NRG4: variants seen among roughly 807,000 people sequenced by gnomAD.
NRG4 encodes the protein neuregulin 4, also known as pro-neuregulin-4, membrane-bound isoform.
In NRG4, 10 loss-of-function variants were observed where a neutral mutation model predicts 15.0. The observed-to-expected ratio is 0.67, with a 90% CI of 0.41 to 1.13. NRG4 has a LOEUF of 1.13. Ranked by LOEUF, NRG4 falls within the 50% of genes most tolerant of loss-of-function variation. The pLI is 0.00. For missense variants in NRG4, 139 were observed against 140.2 expected (o/e 0.99, Z 0.04); for synonymous variants, 41 against 50.1 (o/e 0.82, Z 0.77).
intron 3 of NRG4, chr15:75,971,092 A>C (rs972784764): frequency 3.3e-6 from 1 of 298,950 alleles, no homozygotes; most frequent in Non-Finnish European, 6.6e-6. Context: ...GTCCAGTATA[A>C]TAAAACAGAT....
chr15:75,940,082 G>C (rs1354392670), downstream of NRG4: 3 of 148,402 alleles, frequency 2.0e-5, no homozygotes, highest in Non-Finnish European at 4.5e-5. Context: ...CAAATGATAT[G>C]ATCTTTAGAC....
At chr15:76,013,683 T>A (rs1360227741), upstream of NRG4, among the ~76,000 whole-genome samples, 1 of 152,244 alleles carries the variant, frequency 6.6e-6, no homozygotes, top group African/African-American at 2.4e-5. Flanking sequence ...CATCCTTTCT[T>A]ATGGCTGCAT....
At chr15:76,010,091 G>A (rs2034754267) in intron 2 of NRG4, among the ~76,000 whole-genome samples, 1 of 150,178 alleles carries the variant, frequency 6.7e-6, no homozygotes, top group African/African-American at 2.5e-5. Flanking sequence ...CTTCCTTCTA[G>A]CCTCACCCCC....
At chr15:75,961,212 T>G (rs921445179) in intron 4 of NRG4, among the ~76,000 whole-genome samples, 2 of 152,144 alleles carry the variant, frequency 1.3e-5, no homozygotes, top group Non-Finnish European at 2.9e-5. Flanking sequence ...TTACAAAATT[T>G]CAAAAACAAT....
intron 3 of NRG4, among the ~76,000 whole-genome samples, chr15:76,007,424 G>T (rs891340506): frequency 6.7e-6 from 1 of 148,728 alleles, no homozygotes; most frequent in African/African-American, 2.5e-5. Flanking sequence ...ATTATTAAAC[G>T]CACTTTTTTT....
chr15:75,970,982 G>C (rs1192149328), intron 3 of NRG4, among the ~76,000 whole-genome samples: 1 of 152,194 alleles, frequency 6.6e-6, no homozygotes, highest in Non-Finnish European at 1.5e-5. Flanking sequence ...GCACCTTTCT[G>C]GGTTATCTGA....
intron 3 of NRG4, among the ~76,000 whole-genome samples, chr15:75,974,968 T>C (rs2141839775): frequency 6.6e-6 from 1 of 152,316 alleles, no homozygotes; most frequent in Middle Eastern, 3.4e-3. Context: ...TCTCCCACTA[T>C]TATTGTGTGG....
Position 75,941,352 on chromosome 15 carries a change from T to TGTA in NRG4, c.*2283_*2285dup, listed in dbSNP as rs1297494873. 1 of 152,202 alleles carries TGTA rather than the reference T, an allele frequency of 6.6e-6. No individual in the cohort carries two copies. Among genetic ancestry groups the TGTA allele is most frequent in the Non-Finnish European group, 1.5e-5 (1 of 68,000 alleles). 9.4% of individuals were successfully genotyped at this position (152,202 alleles called of 1,614,324 possible). A position where few individuals can be genotyped will look rare whatever the true frequency, so the allele number is the denominator to read the frequency against. Reference sequence around the variant, plus strand: ...TGGAAATATAGTGGTATGCAGCTGCTGTAGAAAACAGTATGGTGATTTTCC... The same window carrying TGTA: ...TGGAAATATAGTGGTATGCAGCTGCTGTAGTAGAAAACAGTATGGTGATTTTCC... On this transcript the variant is annotated 3_prime_UTR_variant, in exon 6 of 6. Transcript: ENST00000394907.
At chr15:75,952,617 T>A (rs1265710102) in intron 5 of NRG4, among the ~76,000 whole-genome samples, 1 of 150,612 alleles carries the variant, frequency 6.6e-6, no homozygotes, top group African/African-American at 2.4e-5. Context: ...AGAGATGGGG[T>A]CTTGCTATGT....
intron 4 of NRG4, among the ~76,000 whole-genome samples, chr15:76,041,791 A>C (rs1233372819): frequency 6.6e-6 from 1 of 152,176 alleles, no homozygotes; most frequent in Non-Finnish European, 1.5e-5. Flanking sequence ...AAATAAACAA[A>C]GAAACATCAG....
intron 5 of NRG4, among the ~76,000 whole-genome samples, chr15:76,026,261 A>C (rs1436528051): frequency 6.6e-6 from 1 of 152,250 alleles, no homozygotes; most frequent in East Asian, 1.9e-4. Flanking sequence ...AAATTATCAA[A>C]AGTCAAAGAC....
chr15:75,981,922 T>G (rs1042327059), intron 3 of NRG4, among the ~76,000 whole-genome samples: 1 of 150,842 alleles, frequency 6.6e-6, no homozygotes, highest in Non-Finnish European at 1.5e-5. Context: ...AAATATAACT[T>G]ACAAAAAAAA....
At chr15:75,954,074 C>G (rs1385190837) in intron 5 of NRG4, among the ~76,000 whole-genome samples, 1 of 152,132 alleles carries the variant, frequency 6.6e-6, no homozygotes, top group African/African-American at 2.4e-5. Flanking sequence ...TCCCTCCTCT[C>G]TCTTATCTCC....
At chr15:76,020,793 A>C (rs2035126861) in intron 5 of NRG4, among the ~76,000 whole-genome samples, 1 of 152,238 alleles carries the variant, frequency 6.6e-6, no homozygotes, top group Non-Finnish European at 1.5e-5. Flanking sequence ...AGAGGTAAAG[A>C]AGCAGCAGAA....
intron 2 of NRG4, among the ~76,000 whole-genome samples, chr15:76,010,486 T>G (rs7174365): frequency 0.037 from 5,616 of 152,204 alleles, 182 homozygotes; most frequent in African/African-American, 0.085. Context: ...ATTTCAAATT[T>G]TAAAACTTTT....
At chr15:76,039,325 A>T (rs376326273) in intron 4 of NRG4, among the ~76,000 whole-genome samples, 26 of 152,324 alleles carry the variant, frequency 1.7e-4, no homozygotes, top group African/African-American at 6.3e-4. Flanking sequence ...TCAGACAGAG[A>T]ATTCAAAATT....
chr15:75,950,549 G>A, intron 5 of NRG4: 1 of 240,408 alleles, frequency 4.2e-6, no homozygotes, highest in South Asian at 7.7e-5. Flanking sequence ...TCCATTTACT[G>A]GTACAAAGAC....
intron 5 of NRG4, among the ~76,000 whole-genome samples, chr15:75,949,877 A>C (rs1277821421): frequency 6.6e-6 from 1 of 152,228 alleles, no homozygotes; most frequent in African/African-American, 2.4e-5. Context: ...GTCAAAAATC[A>C]ATTGTGGTCT....
intron 3 of NRG4, among the ~76,000 whole-genome samples, chr15:75,972,963 G>A (rs2033177686): frequency 1.3e-5 from 2 of 152,158 alleles, no homozygotes; most frequent in South Asian, 4.1e-4. Context: ...ACTTTGGACA[G>A]TGTGGCCATT....
Sources: allele counts gnomAD v4.1 joint callset (sites outside exome capture counted in the v4.1 genomes callset), GRCh38; gene constraint gnomAD v4.1.1; transcripts MANE v1.5; gene names NCBI Gene and HGNC (gene_info 2026-07-23, HGNC 2026-07-21).